EMC1: variants seen among roughly 807,000 people sequenced by gnomAD.
EMC1 encodes KIAA0090.
In EMC1, 103 loss-of-function variants were observed where a neutral mutation model predicts 128.8. The observed-to-expected ratio is 0.80, with a 90% CI of 0.68 to 0.94. The LOEUF is 0.94. Ranked by LOEUF, EMC1 falls within the 40% of genes least tolerant of loss-of-function variation. The pLI is 0.00. For synonymous variants in EMC1, 442 were observed against 490.4 expected, an observed-to-expected ratio of 0.90 and a Z score of 1.30; for missense variants, 1,083 against 1,250.6, an observed-to-expected ratio of 0.87 and a Z score of 2.02.
intron 21 of EMC1, 60 bp downstream of exon 21, chr1:19,220,704 A>T: frequency 7.4e-7 from 1 of 1,346,592 alleles, no homozygotes; most frequent in Non-Finnish European, 1.0e-6. Flanking sequence ...AACCAAGCTT[A>T]ATCAGTGAGG....
At chr1:19,231,103 C>T in intron 16 of EMC1, 140 bp from the exon 17 acceptor site, 1 of 1,326,140 alleles carries the variant, frequency 7.5e-7, no homozygotes, top group East Asian at 2.3e-5. Flanking sequence ...TGAGTTTTCA[C>T]AAATGCAGAC....
chr1:19,237,071 A>G, intron 12 of EMC1, 71 bp downstream of exon 12: 4 of 1,161,108 alleles, frequency 3.4e-6, no homozygotes, highest in Non-Finnish European at 3.9e-6. Context: ...AGCCTCCCAA[A>G]AAACAGTCTG....
At position 19,239,871 on chromosome 1, in the gene EMC1, C is replaced by T. The variant is rs2151958165; in HGVS notation, c.901G>A (p.Ala301Thr). 2 of 1,614,104 alleles carry T rather than the reference C, an allele frequency of 1.2e-6. No homozygotes were observed. The highest frequency in any genetic ancestry group is 1.7e-6 in the Non-Finnish European group (2 of 1,180,016). The change falls in exon 8 of 23, where the codon GCT becomes ACT. Residue 301 changes from alanine (A) to threonine (T), a missense_variant. Physicochemically the swap from Ala to Thr is moderately conservative, Grantham distance 58 (BLOSUM62 0). Transcript: ENST00000477853. ...FFLHLSPSHYALLQYHYGTLS... is the reference protein window; with the variant it reads ...FFLHLSPSHYTLLQYHYGTLS... ...GTTCCATAATGGTACTGCAGCAGAG[C>T]ATAGTGGCTTGGGGACAAGTGCAGG...
At chr1:19,250,591 A>G (rs1203477257) in intron 1 of EMC1, among the ~76,000 whole-genome samples, 1 of 152,234 alleles carries the variant, frequency 6.6e-6, no homozygotes, top group East Asian at 1.9e-4. Context: ...GAGAAATCTG[A>G]CCTGGGCCCT....
chr1:19,251,321 G>A (rs1034993679), intron 1 of EMC1, 94 bp downstream of exon 1: 1 of 1,176,766 alleles, frequency 8.5e-7, no homozygotes, highest in South Asian at 1.3e-5. Context: ...CAAATTATGC[G>A]GCCAATCCTG....
Position 19,219,238 on chromosome 1 carries a change from AGCTGTAGCTG to A in EMC1, c.*55_*64del. ...ATACTCCACCAATCCACCAAACTGC[AGCTGTAGCTG>A]CTTATCTGACCCACACTCCCCTGGC... is the stretch of plus-strand genomic sequence containing the variant. On this transcript the variant is annotated 3_prime_UTR_variant, in exon 23 of 23. Coordinates refer to ENST00000477853, the MANE Select transcript of EMC1 (RefSeq NM_015047.3). 6.5e-7 allele frequency: 1 copy of A among 1,530,546 alleles called. No homozygotes were observed. The highest frequency in any genetic ancestry group is 1.1e-5 in the South Asian group (1 of 88,208). The allele number at this position is 1,530,546 out of a possible 1,614,324, so 94.8% of individuals were successfully genotyped here. A position where few individuals can be genotyped will look rare whatever the true frequency, so the allele number is the denominator to read the frequency against.
rs1347428260 is a variant in EMC1 at position 19,219,396 on chromosome 1, C to T, written c.2889G>A (p.Val963=). 3 of 1,613,956 alleles carry T rather than the reference C, an allele frequency of 1.9e-6. No individual in the cohort carries two copies. The highest frequency in any genetic ancestry group is 3.3e-5 in the Admixed American group (2 of 59,986). The change falls in exon 23 of 23, where the codon GTG becomes GTA. Residue 963 remains valine, a synonymous_variant. Coordinates refer to ENST00000477853, the MANE Select transcript of EMC1 (RefSeq NM_015047.3). ...GGCCAAAGAGGACGCTGCTGATTAA[C>T]ACGTAGTCATAGTCATCCTTCAGAA... ...FDVLKDDYDY[V]LISSVLFGLV...
At chr1:19,223,721 G>T in intron 18 of EMC1, 152 bp from the exon 19 acceptor site, 1 of 670,570 alleles carries the variant, frequency 1.5e-6, no homozygotes, top group Non-Finnish European at 2.5e-6. Context: ...TCTCATCACT[G>T]CACTTGTTTT....
At chr1:19,251,343 C>T in intron 1 of EMC1, 72 bp downstream of exon 1, 3 of 1,396,090 alleles carry the variant, frequency 2.1e-6, no homozygotes, top group Non-Finnish European at 3.0e-6. Context: ...TAAGTGACAA[C>T]CTTTAGCAGG....
intron 10 of EMC1, among the ~76,000 whole-genome samples, 183 bp from the exon 11 acceptor site, chr1:19,238,322 G>A (rs1170321806): frequency 6.6e-6 from 1 of 152,200 alleles, no homozygotes; most frequent in Non-Finnish European, 1.5e-5. Context: ...AGGTGCCTGA[G>A]TAAATAAATG....
intron 12 of EMC1, among the ~76,000 whole-genome samples, 182 bp downstream of exon 12, chr1:19,236,960 T>C (rs2093569333): frequency 9.1e-6 from 1 of 109,326 alleles, no homozygotes; most frequent in South Asian, 3.2e-4. Flanking sequence ...AGAGCAAGAC[T>C]CTATCTCAAA....
chr1:19,222,550 G>A, intron 20 of EMC1, 74 bp downstream of exon 20: 1 of 1,320,756 alleles, frequency 7.6e-7, no homozygotes, highest in South Asian at 1.2e-5. Flanking sequence ...TGCCAGCAAT[G>A]TGTCCCTTGC....
chr1:19,247,482 CATT>C (rs2093636860), intron 1 of EMC1, among the ~76,000 whole-genome samples: 1 of 152,170 alleles, frequency 6.6e-6, no homozygotes, highest in South Asian at 2.1e-4. Context: ...AACCTAGTAA[CATT>C]GTAGCTGCTA....
chr1:19,237,275 G>C, intron 11 of EMC1, 37 bp from the exon 12 acceptor site: 2 of 1,474,030 alleles, frequency 1.4e-6, no homozygotes, highest in African/African-American at 1.4e-5. Flanking sequence ...AGTCAGTGAG[G>C]ATCCAAATGC....
chr1:19,235,819 G>A (rs2093558967), intron 12 of EMC1, among the ~76,000 whole-genome samples: 1 of 152,154 alleles, frequency 6.6e-6, no homozygotes, highest in Admixed American at 6.5e-5. Context: ...CTTGAGCCCG[G>A]GAGATTGAGG....
chr1:19,240,486 T>C (rs1338253112), intron 6 of EMC1, 40 bp from the exon 7 acceptor site: 2 of 1,610,504 alleles, frequency 1.2e-6, no homozygotes, highest in South Asian at 1.1e-5. Context: ...TCGTGAAAGA[T>C]TTTTACATTT....
At position 19,223,453 on chromosome 1, in the gene EMC1, A is replaced by G. The variant is rs761740245; in HGVS notation, c.2319T>C (p.Ser773=). The G allele has an allele frequency of 2.5e-6, 4 of 1,614,198 alleles. 1 individual carries two copies. The South Asian group carries it at 4.4e-5, about 18-fold the overall frequency. Reference sequence around the variant, plus strand: ...CAGGGCCTTTGGCTTTCTTCTGCACAGAGGAGTGAATGATACGCCCAGTGA... The same window carrying G: ...CAGGGCCTTTGGCTTTCTTCTGCACGGAGGAGTGAATGATACGCCCAGTGA... ...DGVTGRIIHS[S]VQKKAKGPVH... The change falls in exon 19 of 23, where the codon TCT becomes TCC. Residue 773 remains serine, a synonymous_variant. Coordinates refer to ENST00000477853, the MANE Select transcript of EMC1 (RefSeq NM_015047.3).
chr1:19,240,111 CTCCAGT>C (rs1199762117), intron 7 of EMC1, 126 bp from the exon 8 acceptor site: 24 of 1,223,180 alleles, frequency 2.0e-5, no homozygotes, highest in Admixed American at 5.2e-5. Context: ...GCTCCAAATG[CTCCAGT>C]TCAAGTTCCC....
rs1340340701 is a variant in EMC1, at chr1:19,216,533, C to T, written c.*2770G>A. ...AGTATATGTACCTAATATGTACCCA[C>T]AAAAAATTTAAATAAAAAACTTTAA... On this transcript the variant is annotated 3_prime_UTR_variant, in exon 23 of 23. Transcript: ENST00000477853. 5.3e-5 allele frequency: 8 copies of T among 151,898 alleles called. No homozygotes were observed. Among genetic ancestry groups the T allele is most frequent in the Non-Finnish European group, 7.4e-5 (5 of 67,992 alleles). 9.4% of individuals were successfully genotyped at this position (151,898 alleles called of 1,614,324 possible).
Sources: allele counts gnomAD v4.1 joint callset (sites outside exome capture counted in the v4.1 genomes callset), GRCh38; gene constraint gnomAD v4.1.1; transcripts MANE v1.5; gene names NCBI Gene and HGNC (gene_info 2026-07-23, HGNC 2026-07-21).